NUCKS1: variants seen among roughly 807,000 people sequenced by gnomAD.
NUCKS1 encodes nuclear casein kinase and cyclin dependent kinase substrate 1.
Under a neutral mutation model 33.0 loss-of-function variants are expected in NUCKS1, and 2 were observed. That is an observed-to-expected ratio of 0.06 (90% CI 0.02 to 0.19). NUCKS1 has a LOEUF of 0.19. Ranked by LOEUF, NUCKS1 falls within the 10% of genes least tolerant of loss-of-function variation. The pLI is 1.00. For missense variants in NUCKS1, 201 were observed against 293.6 expected (o/e 0.68, Z 2.31); for synonymous variants, 106 against 102.8 (o/e 1.03, Z -0.19).
At chr1:205,732,900 T>C (rs1445981629) in intron 1 of NUCKS1, among the ~76,000 whole-genome samples, 1 of 152,056 alleles carries the variant, frequency 6.6e-6, no homozygotes, top group Non-Finnish European at 1.5e-5. Flanking sequence ...TGGGCTACTA[T>C]GGAAATGCCT....
At chr1:205,739,997 G>GTT (rs60866378) in intron 1 of NUCKS1, among the ~76,000 whole-genome samples, 24,247 of 80,580 alleles carry the variant, frequency 0.3, 5,418 homozygotes, top group Non-Finnish European at 0.38. Flanking sequence ...TTTACTTTAG[G>GTT]TTTTTTTTTT....
At chr1:205,718,724 TG>T (rs1212497799) in intron 6 of NUCKS1, among the ~76,000 whole-genome samples, 1 of 152,204 alleles carries the variant, frequency 6.6e-6, no homozygotes, top group East Asian at 1.9e-4. Context: ...CACTCTATGA[TG>T]TTAGCAGTAA....
chr1:205,717,750 C>T lies in NUCKS1; in HGVS notation c.*530G>A, dbSNP rs1164898037. On this transcript the variant is annotated 3_prime_UTR_variant, in exon 7 of 7. Transcript: ENST00000367142. Reference sequence around the variant, plus strand: ...TCATGATTTTTTTTAGACATTGATACTTGTGTCTATAGACAAATAAACTCA... The same window carrying T: ...TCATGATTTTTTTTAGACATTGATATTTGTGTCTATAGACAAATAAACTCA... The T allele has an allele frequency of 1.0e-6, 1 of 984,240 alleles. No individual in the cohort carries two copies. 61.0% of individuals were successfully genotyped at this position (984,240 alleles called of 1,614,324 possible).
chr1:205,737,415 C>G (rs1487581461), intron 1 of NUCKS1, among the ~76,000 whole-genome samples: 1 of 152,206 alleles, frequency 6.6e-6, no homozygotes, highest in Admixed American at 6.5e-5. Flanking sequence ...GTGTCCTCAT[C>G]TATATCATTA....
At chr1:205,725,101 T>A (rs1653716899) in intron 3 of NUCKS1, among the ~76,000 whole-genome samples, 1 of 152,222 alleles carries the variant, frequency 6.6e-6, no homozygotes, top group Admixed American at 6.5e-5. Flanking sequence ...AGGCTGGTGA[T>A]GAACTCCTGA....
intron 1 of NUCKS1, among the ~76,000 whole-genome samples, chr1:205,742,080 T>C (rs1654190224): frequency 6.6e-6 from 1 of 152,260 alleles, no homozygotes. Flanking sequence ...AGCAGCTGTA[T>C]GTTATCCCAG....
intron 1 of NUCKS1, among the ~76,000 whole-genome samples, chr1:205,730,887 T>C (rs1190493645): frequency 6.6e-6 from 1 of 152,218 alleles, no homozygotes; most frequent in Non-Finnish European, 1.5e-5. Flanking sequence ...ATTCATTATA[T>C]ACAAAGATGC....
chr1:205,733,414 A>G (rs1275328094), intron 1 of NUCKS1, among the ~76,000 whole-genome samples: 2 of 152,298 alleles, frequency 1.3e-5, no homozygotes, highest in East Asian at 3.9e-4. Flanking sequence ...TCTGCTAACA[A>G]TGGCTACTTC....
chr1:205,713,190 A>G lies in NUCKS1; in HGVS notation c.*5090T>C, dbSNP rs1671772902. 6.6e-6 allele frequency: 1 copy of G among 152,196 alleles called. No homozygotes were observed. Among genetic ancestry groups the G allele is most frequent in the South Asian group, 2.1e-4 (1 of 4,826 alleles). 9.4% of individuals were successfully genotyped at this position (152,196 alleles called of 1,614,324 possible). A position where few individuals can be genotyped will look rare whatever the true frequency, so the allele number is the denominator to read the frequency against. On this transcript the variant is annotated 3_prime_UTR_variant, in exon 7 of 7. Coordinates refer to ENST00000367142, the MANE Select transcript of NUCKS1 (RefSeq NM_022731.5). Reference sequence around the variant, plus strand: ...ATTACAAGAAGTACACAGAGCACACATCTGGGTTATAAAAGCCCTTTTATA... The same window carrying G: ...ATTACAAGAAGTACACAGAGCACACGTCTGGGTTATAAAAGCCCTTTTATA...
rs78311899 is a variant in NUCKS1 at position 205,718,085 on chromosome 1, T to TAA, written c.*193_*194dup. The TAA allele has an allele frequency of 3.4e-3, 3,472 of 1,016,092 alleles. 2 individuals are homozygous for TAA. Among genetic ancestry groups the TAA allele is most frequent in the East Asian group, 0.028 (422 of 14,952 alleles). 62.9% of individuals were successfully genotyped at this position (1,016,092 alleles called of 1,614,324 possible). A position where few individuals can be genotyped will look rare whatever the true frequency, so the allele number is the denominator to read the frequency against. On this transcript the variant is annotated 3_prime_UTR_variant, in exon 7 of 7. Coordinates refer to ENST00000367142, the MANE Select transcript of NUCKS1 (RefSeq NM_022731.5). ...CACTTACACATACAATGGTTTGCTT[T>TAA]AAAAAAAAAAAAAAAAAAAGAGAGA... is the stretch of plus-strand genomic sequence containing the variant.
rs1418946145 is a variant in NUCKS1 at position 205,718,423 on chromosome 1, C to G, written c.589G>C (p.Ala197Pro). 5.0e-6 allele frequency: 8 copies of G among 1,612,776 alleles called. No individual in the cohort carries two copies. In the East Asian group the frequency reaches 1.1e-4, roughly 22 times the overall value. ...GKVGRPTASK[A>P]SKEKTPSPKE... Reference sequence around the variant, plus strand: ...GGAGAAGGAGTCTTTTCCTTTGATGCCTTTGAAGCTGTGGGGCGACCCACT... The same window carrying G: ...GGAGAAGGAGTCTTTTCCTTTGATGGCTTTGAAGCTGTGGGGCGACCCACT... Residue 197 changes from alanine (A) to proline (P), a missense_variant, in exon 7 of 7, where the codon GCA becomes CCA. Transcript: ENST00000367142.
At chr1:205,746,538 T>C (rs540132278) in intron 1 of NUCKS1, among the ~76,000 whole-genome samples, 3 of 152,204 alleles carry the variant, frequency 2.0e-5, no homozygotes, top group African/African-American at 7.2e-5. Context: ...ATTAAACTTG[T>C]GTCTTCATGT....
At position 205,717,227 on chromosome 1, in the gene NUCKS1, T is replaced by C. The variant is rs1304719334; in HGVS notation, c.*1053A>G. 20 of 805,506 alleles carry C rather than the reference T, an allele frequency of 2.5e-5. No individual in the cohort carries two copies. The highest frequency in any genetic ancestry group is 3.0e-5 in the Non-Finnish European group (20 of 664,184). The allele number at this position is 805,506 out of a possible 1,614,324, so 49.9% of individuals were successfully genotyped here. On this transcript the variant is annotated 3_prime_UTR_variant, in exon 7 of 7. Coordinates refer to ENST00000367142, the MANE Select transcript of NUCKS1 (RefSeq NM_022731.5). ...ATGGTTAATGGGACCTGAATGCACA[T>C]TTATAGCATAAAAGAATGTCAATTC...
At chr1:205,720,371 AAC>A in intron 5 of NUCKS1, 128 bp downstream of exon 5, 1 of 831,644 alleles carries the variant, frequency 1.2e-6, no homozygotes, top group Non-Finnish European at 1.9e-6. Flanking sequence ...CATCTCTTTT[AAC>A]ACGGAGTATC....
At chr1:205,744,789 C>T (rs575045592) in intron 1 of NUCKS1, among the ~76,000 whole-genome samples, 12 of 152,120 alleles carry the variant, frequency 7.9e-5, no homozygotes, top group South Asian at 4.1e-4. Flanking sequence ...TGCGCCACCA[C>T]GCCTGGCTAA....
chr1:205,714,897 C>T lies in NUCKS1; in HGVS notation c.*3383G>A, dbSNP rs1159816733. ...AGGCAAAGAACTGTTCAAGCCAGCA[C>T]TCATTCTTCAAAGCTGCAACAGTGG... On this transcript the variant is annotated 3_prime_UTR_variant, in exon 7 of 7. Coordinates refer to ENST00000367142, the MANE Select transcript of NUCKS1 (RefSeq NM_022731.5). 1.3e-5 allele frequency: 2 copies of T among 152,136 alleles called. No individual in the cohort carries two copies. The highest frequency in any genetic ancestry group is 4.8e-5 in the African/African-American group (2 of 41,418). 9.4% of individuals were successfully genotyped at this position (152,136 alleles called of 1,614,324 possible). A position where few individuals can be genotyped will look rare whatever the true frequency, so the allele number is the denominator to read the frequency against.
In NUCKS1 at chr1:205,717,749, A is replaced by G. The variant is rs1036812260; in HGVS notation, c.*531T>C. 4.7e-5 allele frequency: 46 copies of G among 984,984 alleles called. No individual in the cohort carries two copies. The highest frequency in any genetic ancestry group is 5.2e-5 in the Non-Finnish European group (43 of 829,676). The allele number at this position is 984,984 out of a possible 1,614,324, so 61.0% of individuals were successfully genotyped here. A position where few individuals can be genotyped will look rare whatever the true frequency, so the allele number is the denominator to read the frequency against. On this transcript the variant is annotated 3_prime_UTR_variant, in exon 7 of 7. Coordinates refer to ENST00000367142, the MANE Select transcript of NUCKS1 (RefSeq NM_022731.5). ...GTCATGATTTTTTTTAGACATTGATACTTGTGTCTATAGACAAATAAACTC... is the reference window on the plus strand; with the variant it reads ...GTCATGATTTTTTTTAGACATTGATGCTTGTGTCTATAGACAAATAAACTC...
chr1:205,749,122 C>G (rs1043984479), intron 1 of NUCKS1, among the ~76,000 whole-genome samples: 1 of 152,180 alleles, frequency 6.6e-6, no homozygotes, highest in Non-Finnish European at 1.5e-5. Flanking sequence ...GAGACGCGTA[C>G]GCGGGTGAGA....
At chr1:205,731,607 A>G (rs1287477539) in intron 1 of NUCKS1, among the ~76,000 whole-genome samples, 1 of 152,096 alleles carries the variant, frequency 6.6e-6, no homozygotes. Context: ...ATTAAGAGAA[A>G]TAGGCCAGGC....
Sources: gnomAD v4.1 joint callset for allele counts (sites outside exome capture counted in the v4.1 genomes callset) on GRCh38, gnomAD v4.1.1 for gene constraint, MANE v1.5 for transcripts, NCBI Gene and HGNC (gene_info 2026-07-23, HGNC 2026-07-21) for gene names.